Variants in WWC2 observed in about 807,000 individuals in gnomAD.
WWC2 encodes the protein WW and C2 domain containing 2.
In WWC2, 101 loss-of-function variants were observed where a neutral mutation model predicts 138.5. That is an observed-to-expected ratio of 0.73 (90% CI 0.62 to 0.86). The LOEUF is 0.86. Among genes scored for constraint, WWC2 ranks in the 40% least tolerant of loss-of-function variants. The pLI is 0.00. For missense variants in WWC2, 1,420 were observed against 1,419.4 expected (o/e 1.00, Z -0.01); for synonymous variants, 558 against 538.4 (o/e 1.04, Z -0.50).
Position 183,208,899 on chromosome 4 carries a change from C to CT in WWC2, c.446-49dup, listed in dbSNP as rs142809167. 6,923 of 1,274,262 alleles carry CT rather than the reference C, an allele frequency of 5.4e-3. 297 individuals carry two copies. In the African/African-American group the frequency reaches 0.091, roughly 17 times the overall value. The allele number at this position is 1,274,262 out of a possible 1,614,324, so 78.9% of individuals were successfully genotyped here. On this transcript the variant is annotated intron_variant, in intron 3 of 22. Coordinates refer to ENST00000403733, the MANE Select transcript of WWC2 (RefSeq NM_024949.6). ...GCTTCAGTAAATTCTAAGCTGAGAA[C>CT]TAGTTATGCAACTTGTAAATAATTA...
chr4:183,244,096 G>A (rs915995257), intron 5 of WWC2, among the ~76,000 whole-genome samples: 19 of 151,862 alleles, frequency 1.3e-4, no homozygotes, highest in Admixed American at 1.2e-3. Flanking sequence ...TGTTTTCCCC[G>A]ATTCAGTAGG....
chr4:183,150,944 G>A (rs985311268), intron 1 of WWC2, among the ~76,000 whole-genome samples: 5 of 152,118 alleles, frequency 3.3e-5, no homozygotes, highest in Admixed American at 1.3e-4. Flanking sequence ...ATCATTGATG[G>A]ACATTTGGGT....
At chr4:183,154,991 G>A (rs557115179) in intron 1 of WWC2, among the ~76,000 whole-genome samples, 3 of 152,250 alleles carry the variant, frequency 2.0e-5, no homozygotes, top group East Asian at 1.9e-4. Flanking sequence ...CTGTCCCATT[G>A]TATTATAGAA....
At chr4:183,298,090 G>A (rs1248099770) in intron 21 of WWC2, among the ~76,000 whole-genome samples, 1 of 152,180 alleles carries the variant, frequency 6.6e-6, no homozygotes, top group African/African-American at 2.4e-5. Flanking sequence ...ATATGTTAGA[G>A]GTCTCTTATT....
At chr4:183,268,831 G>A (rs551636474) in intron 14 of WWC2, 140 bp from the exon 15 acceptor site, 146 of 963,000 alleles carry the variant, frequency 1.5e-4, no homozygotes, top group East Asian at 5.1e-4. Flanking sequence ...GCACGGACCC[G>A]TGATGGCAGC....
At position 183,132,516 on chromosome 4, in the gene WWC2, C is replaced by T. The variant is rs191394135; in HGVS notation, c.131+32894C>T. Among the ~76,000 whole-genome samples the T allele has an allele frequency of 4.7e-4, 71 of 150,912 alleles. 1 individual carries two copies. In the East Asian group the frequency reaches 0.013, roughly 27 times the overall value. ...TCGCCCAGGCTGGAGTGCTGTGGCG[C>T]GATCTCAGCTCACTGCAAGCTCCGC... On this transcript the variant is annotated intron_variant, in intron 1 of 22. Coordinates refer to ENST00000403733, the MANE Select transcript of WWC2 (RefSeq NM_024949.6).
intron 1 of WWC2, among the ~76,000 whole-genome samples, chr4:183,108,157 CGTT>C (rs1223367311): frequency 6.6e-6 from 1 of 151,746 alleles, no homozygotes; most frequent in East Asian, 1.9e-4. Flanking sequence ...CCTTTTAGCT[CGTT>C]ATATATGTGA....
chr4:183,282,855 C>G lies in WWC2; in HGVS notation c.2832C>G (p.Ser944Arg), dbSNP rs751993678. 3 of 1,591,838 alleles carry G rather than the reference C, an allele frequency of 1.9e-6. No individual in the cohort carries two copies. The highest frequency in any genetic ancestry group is 2.6e-6 in the Non-Finnish European group (3 of 1,168,804). The change falls in exon 18 of 23, where the codon AGC (serine) becomes AGG (arginine). Residue 944 changes from serine to arginine, a missense_variant. Ser to Arg is a moderately radical substitution (Grantham distance 110). Transcript: ENST00000403733. ...EMNEDGNRKE[S>R]NCAKDLRSQP... ...ATGAAGACGGGAACAGGAAAGAAAGCAACTGTGCCAAAGACCTCAGAAGTC... is the reference window on the plus strand; with the variant it reads ...ATGAAGACGGGAACAGGAAAGAAAGGAACTGTGCCAAAGACCTCAGAAGTC...
intron 2 of WWC2, among the ~76,000 whole-genome samples, chr4:183,195,333 T>C (rs1014727376): frequency 6.6e-6 from 1 of 152,152 alleles, no homozygotes; most frequent in Non-Finnish European, 1.5e-5. Context: ...CCATCCTGGG[T>C]CAACAAAAAT....
rs1426308543 is a variant in WWC2 at position 183,316,301 on chromosome 4, T to G, written c.*572T>G. The G allele has an allele frequency of 6.6e-6, 1 of 152,290 alleles. No individual in the cohort carries two copies. The highest frequency in any genetic ancestry group is 1.5e-5 in the Non-Finnish European group (1 of 68,102). 9.4% of individuals were successfully genotyped at this position (152,290 alleles called of 1,614,324 possible). A position where few individuals can be genotyped will look rare whatever the true frequency, so the allele number is the denominator to read the frequency against. On this transcript the variant is annotated 3_prime_UTR_variant, in exon 23 of 23. Coordinates refer to ENST00000403733, the MANE Select transcript of WWC2 (RefSeq NM_024949.6). ...AACACCTGGTTTCCTTAAGACAATT[T>G]CCTTTTTGTCCTTTTATATTTTTCT... is the stretch of plus-strand genomic sequence containing the variant.
At chr4:183,188,643 CTTTTTTTTT>C (rs11341026) in intron 1 of WWC2, among the ~76,000 whole-genome samples, 3 of 79,754 alleles carry the variant, frequency 3.8e-5, no homozygotes, top group African/African-American at 1.4e-4. Flanking sequence ...TTGCTCCTTT[CTTTTTTTTT>C]TTTTTTTTTT....
At chr4:183,215,596 G>A (rs1735732167) in intron 4 of WWC2, among the ~76,000 whole-genome samples, 1 of 152,130 alleles carries the variant, frequency 6.6e-6, no homozygotes, top group African/African-American at 2.4e-5. Flanking sequence ...AATTTGAGTA[G>A]AGTGAACTTT....
At chr4:183,204,587 G>A (rs1237020023) in intron 2 of WWC2, among the ~76,000 whole-genome samples, 1 of 152,082 alleles carries the variant, frequency 6.6e-6, no homozygotes, top group Non-Finnish European at 1.5e-5. Flanking sequence ...ACCTTGTAAA[G>A]CATATTTTAA....
chr4:183,291,014 A>G (rs1738433652), intron 21 of WWC2, among the ~76,000 whole-genome samples: 2 of 152,262 alleles, frequency 1.3e-5, no homozygotes, highest in African/African-American at 4.8e-5. Context: ...TATCTATCTT[A>G]TCCCACCTGA....
intron 16 of WWC2, 96 bp downstream of exon 16, chr4:183,271,337 C>T (rs536699705): frequency 1.0e-6 from 1 of 999,652 alleles, no homozygotes; most frequent in South Asian, 3.2e-5. Flanking sequence ...GCTACGAGAC[C>T]AACATGCTTT....
chr4:183,241,629 A>G (rs912707227), intron 5 of WWC2, among the ~76,000 whole-genome samples: 1 of 152,200 alleles, frequency 6.6e-6, no homozygotes, highest in African/African-American at 2.4e-5. Context: ...TATGCCAGGT[A>G]TATTTTATGA....
chr4:183,173,208 C>T (rs2111167389), intron 1 of WWC2, among the ~76,000 whole-genome samples: 1 of 152,154 alleles, frequency 6.6e-6, no homozygotes, highest in South Asian at 2.1e-4. Context: ...CCATGCCTGG[C>T]TAATTTTTTA....
At chr4:183,193,480 T>G (rs1735045486) in intron 1 of WWC2, 119 bp from the exon 2 acceptor site, 1 of 686,544 alleles carries the variant, frequency 1.5e-6, no homozygotes. Context: ...TTATCCTTGG[T>G]TTTTTTTTTT....
In WWC2 at chr4:183,312,325, T is replaced by G. The variant is rs754314870; in HGVS notation, c.3385-16T>G. 5.2e-5 allele frequency: 84 copies of G among 1,611,184 alleles called. No individual in the cohort carries two copies. In the East Asian group the frequency reaches 1.4e-3, roughly 26 times the overall value. ...AGTGTTTTGTGTGTTTCTTACATTTTTATTCCCTTTTCCAGGCTGAACAGT... is the reference window on the plus strand; with the variant it reads ...AGTGTTTTGTGTGTTTCTTACATTTGTATTCCCTTTTCCAGGCTGAACAGT... On this transcript the variant is annotated splice_polypyrimidine_tract_variant and intron_variant, in intron 21 of 22. Transcript: ENST00000403733.
Sources: allele counts gnomAD v4.1 joint callset (sites outside exome capture counted in the v4.1 genomes callset), GRCh38; gene constraint gnomAD v4.1.1; transcripts MANE v1.5; gene names NCBI Gene and HGNC (gene_info 2026-07-23, HGNC 2026-07-21).